SEMA5A: variants seen among roughly 807,000 people sequenced by gnomAD.
SEMA5A encodes the protein semaphorin-5A.
Under a neutral mutation model 135.5 loss-of-function variants are expected in SEMA5A, and 55 were observed. The observed-to-expected ratio is 0.41, with a 90% CI of 0.33 to 0.51. SEMA5A has a LOEUF of 0.51. Ranked by LOEUF, SEMA5A falls within the 20% of genes least tolerant of loss-of-function variation. The pLI, the probability that SEMA5A is intolerant of heterozygous loss-of-function variation, is 0.37. For missense variants in SEMA5A, 1,290 were observed against 1,419.9 expected, an observed-to-expected ratio of 0.91 and a Z score of 1.47; for synonymous variants, 580 against 546.5, an observed-to-expected ratio of 1.06 and a Z score of -0.85.
intron 1 of SEMA5A, among the ~76,000 whole-genome samples, chr5:9,533,531 T>A (rs1737576340): frequency 6.6e-6 from 1 of 152,210 alleles, no homozygotes; most frequent in Admixed American, 6.5e-5. Flanking sequence ...AAACAATTGA[T>A]ACTATTTTCA....
At chr5:9,074,611 A>G (rs976802146) in intron 16 of SEMA5A, among the ~76,000 whole-genome samples, 3 of 152,328 alleles carry the variant, frequency 2.0e-5, no homozygotes, top group Non-Finnish European at 2.9e-5. Context: ...AAAGACTTGC[A>G]CCCATTATGT....
intron 3 of SEMA5A, among the ~76,000 whole-genome samples, chr5:9,368,007 A>G (rs970404610): frequency 6.6e-6 from 1 of 152,244 alleles, no homozygotes; most frequent in African/African-American, 2.4e-5. Flanking sequence ...CCATGCTTGT[A>G]CAGCCTGCAG....
At chr5:9,305,707 C>CATATATATATATATATATATATATAT (rs1561128483) in intron 5 of SEMA5A, among the ~76,000 whole-genome samples, 3 of 42,890 alleles carry the variant, frequency 7.0e-5, no homozygotes, top group African/African-American at 1.5e-4. Context: ...TGTGTGTGTG[C>CATATATATATATATATATATATATAT]GTATATATAT....
At chr5:9,392,091 C>T (rs1756186617) in intron 2 of SEMA5A, among the ~76,000 whole-genome samples, 1 of 152,176 alleles carries the variant, frequency 6.6e-6, no homozygotes, top group African/African-American at 2.4e-5. Context: ...TCTTTTTCTA[C>T]ATTCTCCCAA....
Position 9,145,502 on chromosome 5 carries a change from G to A in SEMA5A, c.1482-8881C>T, listed in dbSNP as rs537761833. Reference sequence around the variant, plus strand: ...AATCTTAGGAGAAGTCCAGGTGCTCGTATTTAGAATAACTCAGGTGCAGGG... The same window carrying A: ...AATCTTAGGAGAAGTCCAGGTGCTCATATTTAGAATAACTCAGGTGCAGGG... On this transcript the variant is annotated intron_variant, in intron 12 of 22. Transcript: ENST00000382496. 2.0e-4 allele frequency among the ~76,000 whole-genome samples: 30 copies of A among 152,244 alleles called. 1 individual carries two copies. The South Asian group carries it at 2.7e-3, about 14-fold the overall frequency.
intron 1 of SEMA5A, among the ~76,000 whole-genome samples, chr5:9,474,508 T>A (rs1459251499): frequency 6.6e-6 from 1 of 151,628 alleles, no homozygotes; most frequent in Non-Finnish European, 1.5e-5. Flanking sequence ...AATAGGGCAT[T>A]CTGGTATTTC....
chr5:9,122,929 A>C, intron 13 of SEMA5A, 92 bp from the exon 14 acceptor site: 25 of 1,148,764 alleles, frequency 2.2e-5, no homozygotes, highest in African/African-American at 1.4e-4. Flanking sequence ...AGACAATCAA[A>C]ACTCCTCTAG....
chr5:9,170,953 C>T lies in SEMA5A; in HGVS notation c.1274-16258G>A, dbSNP rs576432350. Among the ~76,000 whole-genome samples the T allele has an allele frequency of 2.0e-5, 3 of 152,182 alleles. 1 individual carries two copies. The South Asian group carries it at 6.2e-4, about 32-fold the overall frequency. ...ACTCTCCTCCTTCCTCGCCCCCAGACCTACATATTGGTTGGGTCAAAAGAG... is the reference window on the plus strand; with the variant it reads ...ACTCTCCTCCTTCCTCGCCCCCAGATCTACATATTGGTTGGGTCAAAAGAG... On this transcript the variant is annotated intron_variant, in intron 11 of 22. Coordinates refer to ENST00000382496, the MANE Select transcript of SEMA5A (RefSeq NM_003966.3).
At chr5:9,356,796 A>T (rs1010517857) in intron 3 of SEMA5A, among the ~76,000 whole-genome samples, 1 of 152,232 alleles carries the variant, frequency 6.6e-6, no homozygotes, top group African/African-American at 2.4e-5. Context: ...TATGAGCAAA[A>T]TTACAAGTGA....
intron 1 of SEMA5A, among the ~76,000 whole-genome samples, chr5:9,480,300 G>T (rs1054443017): frequency 1.3e-5 from 2 of 152,166 alleles, no homozygotes; most frequent in Non-Finnish European, 2.9e-5. Context: ...CTATGTCCCT[G>T]AATCCAAAGC....
chr5:9,401,191 CA>C (rs1336935018), intron 2 of SEMA5A, among the ~76,000 whole-genome samples: 1 of 152,134 alleles, frequency 6.6e-6, no homozygotes, highest in African/African-American at 2.4e-5. Flanking sequence ...AAGAGAAGAG[CA>C]AGCTGGAAGA....
At chr5:9,428,122 C>CTCTA (rs70943964) in intron 2 of SEMA5A, among the ~76,000 whole-genome samples, 21,553 of 135,292 alleles carry the variant, frequency 0.16, 1,875 homozygotes, top group Middle Eastern at 0.26. Flanking sequence ...ATATATTCAA[C>CTCTA]TCTATCTATC....
chr5:9,524,474 A>G (rs1345280803), intron 1 of SEMA5A, among the ~76,000 whole-genome samples: 1 of 152,214 alleles, frequency 6.6e-6, no homozygotes, highest in African/African-American at 2.4e-5. Flanking sequence ...CTACAAGCCA[A>G]GAAATGCCAT....
At chr5:9,273,931 C>A (rs962406791) in intron 5 of SEMA5A, among the ~76,000 whole-genome samples, 31 of 152,128 alleles carry the variant, frequency 2.0e-4, no homozygotes, top group African/African-American at 7.5e-4. Flanking sequence ...ACGGCCTCAA[C>A]TAACGGGCAA....
chr5:9,389,168 T>C (rs1579459934), intron 2 of SEMA5A, among the ~76,000 whole-genome samples: 1 of 152,198 alleles, frequency 6.6e-6, no homozygotes, highest in East Asian at 1.9e-4. Context: ...CTGTCTTCCC[T>C]GGATTCTGTA....
intron 1 of SEMA5A, among the ~76,000 whole-genome samples, chr5:9,494,826 T>C (rs1189785461): frequency 1.3e-5 from 2 of 152,232 alleles, no homozygotes; most frequent in Admixed American, 1.3e-4. Flanking sequence ...ACAAGTATTT[T>C]GTGCTTTAGA....
At chr5:9,429,221 G>C (rs1043095075) in intron 2 of SEMA5A, among the ~76,000 whole-genome samples, 6 of 152,266 alleles carry the variant, frequency 3.9e-5, no homozygotes, top group East Asian at 1.9e-4. Flanking sequence ...TGATTGGGGT[G>C]GGGGAGGAAG....
At chr5:9,430,545 T>G (rs922181164) in intron 2 of SEMA5A, among the ~76,000 whole-genome samples, 3 of 152,130 alleles carry the variant, frequency 2.0e-5, no homozygotes, top group Non-Finnish European at 4.4e-5. Flanking sequence ...CATTTGAGGC[T>G]AAGATGCAAA....
chr5:9,469,643 A>T (rs1242617173), intron 1 of SEMA5A, among the ~76,000 whole-genome samples: 1 of 152,216 alleles, frequency 6.6e-6, no homozygotes, highest in Non-Finnish European at 1.5e-5. Flanking sequence ...CTGGGATATC[A>T]ATGGAAACTA....
Sources: allele counts gnomAD v4.1 joint callset (sites outside exome capture counted in the v4.1 genomes callset), GRCh38; gene constraint gnomAD v4.1.1; transcripts MANE v1.5; gene names NCBI Gene and HGNC (gene_info 2026-07-23, HGNC 2026-07-21).